Variants in CAMTA1 observed in about 807,000 individuals in gnomAD.
The protein encoded by CAMTA1 is calmodulin binding transcription activator 1.
CAMTA1 carries 27 observed loss-of-function variants against 170.9 expected under a neutral mutation model. The observed-to-expected ratio is 0.16, with a 90% CI of 0.12 to 0.22. The LOEUF (loss-of-function observed/expected upper bound fraction) is 0.22. CAMTA1 is among the 10% of genes least tolerant of loss of function. The pLI, the probability that CAMTA1 is intolerant of heterozygous loss-of-function variation, is 1.00. For missense variants in CAMTA1, 1,619 were observed against 2,217.2 expected (o/e 0.73, Z 5.42); for synonymous variants, 833 against 891.5 (o/e 0.93, Z 1.17).
At chr1:7,684,312 G>T (rs1298343075) in intron 11 of CAMTA1, among the ~76,000 whole-genome samples, 2 of 152,214 alleles carry the variant, frequency 1.3e-5, no homozygotes, top group Non-Finnish European at 1.5e-5. Flanking sequence ...GCTCCTTCCA[G>T]AGTGTGCATG....
intron 6 of CAMTA1, among the ~76,000 whole-genome samples, chr1:7,484,308 G>A (rs1463575335): frequency 2.6e-5 from 4 of 152,194 alleles, no homozygotes; most frequent in African/African-American, 9.6e-5. Flanking sequence ...GGCCTGGAAA[G>A]GGTTGTCCTG....
intron 4 of CAMTA1, among the ~76,000 whole-genome samples, chr1:7,107,458 A>G (rs1375044056): frequency 6.6e-6 from 1 of 152,172 alleles, no homozygotes; most frequent in African/African-American, 2.4e-5. Flanking sequence ...ATGCCCTGAT[A>G]GGGTCGGGAG....
intron 3 of CAMTA1, among the ~76,000 whole-genome samples, chr1:6,991,605 T>C (rs1696379421): frequency 6.6e-6 from 1 of 152,254 alleles, no homozygotes; most frequent in South Asian, 2.1e-4. Context: ...TTATATATTC[T>C]GGATACAGTT....
chr1:6,790,482 G>T (rs1325668808), intron 1 of CAMTA1, among the ~76,000 whole-genome samples: 1 of 151,812 alleles, frequency 6.6e-6, no homozygotes, highest in Non-Finnish European at 1.5e-5. Context: ...ATACATGATT[G>T]GTTGGAATGC....
intron 5 of CAMTA1, among the ~76,000 whole-genome samples, chr1:7,265,331 C>T (rs1351643259): frequency 6.6e-6 from 1 of 151,830 alleles, no homozygotes; most frequent in Non-Finnish European, 1.5e-5. Flanking sequence ...TTATTTGAGA[C>T]AGAGTCTCAT....
chr1:7,590,444 C>G (rs2095347088), intron 6 of CAMTA1, among the ~76,000 whole-genome samples: 1 of 152,224 alleles, frequency 6.6e-6, no homozygotes. Flanking sequence ...CCAGGCCCCG[C>G]TGGCTCTTCA....
At chr1:7,168,531 T>C (rs1648959283) in intron 4 of CAMTA1, among the ~76,000 whole-genome samples, 1 of 152,188 alleles carries the variant, frequency 6.6e-6, no homozygotes, top group Admixed American at 6.5e-5. Flanking sequence ...CCCTCCCTAG[T>C]AGCTGGGATT....
chr1:7,198,779 T>G (rs577387583), intron 4 of CAMTA1, among the ~76,000 whole-genome samples: 1 of 152,212 alleles, frequency 6.6e-6, no homozygotes, highest in African/African-American at 2.4e-5. Flanking sequence ...AGATCTTCCC[T>G]GACCCTGGCC....
chr1:7,216,667 C>T lies in CAMTA1; in HGVS notation c.303-32824C>T, dbSNP rs902995536. ...CTGAGACTACAGGCAGGTACCACCA[C>T]GCCTGGCTAATTTTTGTGTTTTTAG... On this transcript the variant is annotated intron_variant, in intron 4 of 22. Coordinates refer to ENST00000303635, the MANE Select transcript of CAMTA1 (RefSeq NM_015215.4). The surrounding 1 kb of genome is among the most constrained non-coding windows in gnomAD (Gnocchi z 4.0). Among the ~76,000 whole-genome samples, 3 of 152,102 alleles carry T rather than the reference C, an allele frequency of 2.0e-5. No homozygotes were observed. The highest frequency in any genetic ancestry group is 6.5e-5 in the Admixed American group (1 of 15,282).
At chr1:7,414,917 C>T (rs2091053581) in intron 5 of CAMTA1, among the ~76,000 whole-genome samples, 1 of 151,982 alleles carries the variant, frequency 6.6e-6, no homozygotes, top group Admixed American at 6.6e-5. Flanking sequence ...TTTCCCTCTA[C>T]ACACTGCTTT....
At chr1:7,575,800 A>T (rs1465824576) in intron 6 of CAMTA1, among the ~76,000 whole-genome samples, 2 of 152,082 alleles carry the variant, frequency 1.3e-5, no homozygotes, top group Non-Finnish European at 2.9e-5. Flanking sequence ...ATTGGATGAG[A>T]CCCTGGGGAA....
chr1:7,458,746 G>T (rs2093017373), intron 5 of CAMTA1, among the ~76,000 whole-genome samples: 1 of 152,220 alleles, frequency 6.6e-6, no homozygotes, highest in African/African-American at 2.4e-5. Flanking sequence ...CAGTCCCCTG[G>T]CGTGGCAGGG....
chr1:7,431,750 A>G (rs2092168100), intron 5 of CAMTA1, among the ~76,000 whole-genome samples: 1 of 152,152 alleles, frequency 6.6e-6, no homozygotes, highest in South Asian at 2.1e-4. Flanking sequence ...TCCCACTCCC[A>G]GTAAGCCCTT....
chr1:6,794,883 TTTTTTTG>T (rs1368756656), intron 1 of CAMTA1, among the ~76,000 whole-genome samples: 1 of 146,880 alleles, frequency 6.8e-6, no homozygotes, highest in East Asian at 1.9e-4. Context: ...ATAAAGGCTT[TTTTTTTG>T]TTTTTTTTGT....
rs1485177978 is a variant in CAMTA1 at position 7,673,111 on chromosome 1, A to G, written c.2779+2074A>G. ...AGAATGCGACTTGCCTGGCCTATAA[A>G]TAGATGCCACTTCCTGTACCTGGTT... On this transcript the variant is annotated intron_variant, in intron 10 of 22. Coordinates refer to ENST00000303635, the MANE Select transcript of CAMTA1 (RefSeq NM_015215.4). The surrounding 1 kb of genome is among the most constrained non-coding windows in gnomAD (Gnocchi z 4.6). 6.6e-6 allele frequency among the ~76,000 whole-genome samples: 1 copy of G among 152,188 alleles called. No individual in the cohort carries two copies. Among genetic ancestry groups the G allele is most frequent in the South Asian group, 2.1e-4 (1 of 4,832 alleles).
In CAMTA1 at chr1:7,037,577, C is replaced by T. The variant is rs138847114; in HGVS notation, c.235-53727C>T. 5.9e-3 allele frequency among the ~76,000 whole-genome samples: 891 copies of T among 152,250 alleles called. 5 individuals are homozygous for T. The highest frequency in any genetic ancestry group is 0.02 in the African/African-American group (834 of 41,536). ...AAAACAGGCCGGGCGCGGTGGCTCA[C>T]GCCTGTAATCCCAGCACTTTGGAAG... is the stretch of plus-strand genomic sequence containing the variant. On this transcript the variant is annotated intron_variant, in intron 3 of 22. Transcript: ENST00000303635.
intron 6 of CAMTA1, among the ~76,000 whole-genome samples, chr1:7,524,644 C>G (rs888151937): frequency 9.9e-5 from 15 of 152,152 alleles, no homozygotes; most frequent in African/African-American, 3.6e-4. Context: ...GAGATAATTT[C>G]CTGCTATTCC....
At chr1:6,906,466 A>G (rs1248619027) in intron 3 of CAMTA1, among the ~76,000 whole-genome samples, 3 of 152,088 alleles carry the variant, frequency 2.0e-5, no homozygotes, top group Non-Finnish European at 2.9e-5. Context: ...TCTATCCTAG[A>G]CTGGCTCTAC....
chr1:7,086,182 T>C (rs1640716766), intron 3 of CAMTA1, among the ~76,000 whole-genome samples: 2 of 152,102 alleles, frequency 1.3e-5, no homozygotes, highest in Non-Finnish European at 2.9e-5. Context: ...TGGACAGTCT[T>C]TGCTTTGGAG....
Sources: gnomAD v4.1 joint callset for allele counts (sites outside exome capture counted in the v4.1 genomes callset) on GRCh38, gnomAD v4.1.1 for gene constraint, Gnocchi (gnomAD v3.1) non-coding constraint, MANE v1.5 for transcripts, NCBI Gene and HGNC (gene_info 2026-07-23, HGNC 2026-07-21) for gene names.